Variants in GABRA2 observed in about 807,000 individuals in gnomAD.
GABRA2 encodes the protein gamma-aminobutyric acid receptor subunit alpha-2.
A neutral mutation model predicts 48.7 loss-of-function variants in GABRA2; 16 were observed. That is an observed-to-expected ratio of 0.33 (90% CI 0.22 to 0.50). The LOEUF is 0.50. Ranked by LOEUF, GABRA2 falls within the 20% of genes least tolerant of loss-of-function variation. The pLI is 0.98. For missense variants in GABRA2, 275 were observed against 535.6 expected (o/e 0.51, Z 4.80); for synonymous variants, 185 against 184.5 (o/e 1.00, Z -0.02).
chr4:46,259,474 T>C (rs550541369), intron 9 of GABRA2, among the ~76,000 whole-genome samples: 1 of 152,030 alleles, frequency 6.6e-6, no homozygotes, highest in South Asian at 2.1e-4. Context: ...TGAGAGTGTT[T>C]ATTTATTTAT....
intron 8 of GABRA2, among the ~76,000 whole-genome samples, chr4:46,297,476 C>CATATAT (rs56201706): frequency 0.022 from 1,958 of 87,060 alleles, 91 homozygotes; most frequent in Middle Eastern, 0.037. Flanking sequence ...AATAAAATCC[C>CATATAT]ATATATATAT....
At chr4:46,290,770 C>A (rs776948205) in intron 8 of GABRA2, among the ~76,000 whole-genome samples, 3 of 152,100 alleles carry the variant, frequency 2.0e-5, no homozygotes, top group Non-Finnish European at 4.4e-5. Context: ...AGTGACCTTT[C>A]AGAAATGTCA....
chr4:46,294,574 A>C (rs1158627966), intron 8 of GABRA2, among the ~76,000 whole-genome samples: 2 of 152,142 alleles, frequency 1.3e-5, no homozygotes, highest in Non-Finnish European at 2.9e-5. Context: ...GCTGCTGTGT[A>C]AGCTGCTCTG....
chr4:46,287,855 T>C (rs1722858974), intron 8 of GABRA2, among the ~76,000 whole-genome samples: 1 of 152,138 alleles, frequency 6.6e-6, no homozygotes, highest in African/African-American at 2.4e-5. Context: ...GATAAAGATA[T>C]ACCTGAGACT....
At chr4:46,287,133 T>G (rs1722704644) in intron 8 of GABRA2, among the ~76,000 whole-genome samples, 1 of 152,170 alleles carries the variant, frequency 6.6e-6, no homozygotes, top group Non-Finnish European at 1.5e-5. Context: ...TGTTGTGTCT[T>G]AAGTGAGGTA....
chr4:46,273,484 C>CATATATAT (rs1250189953), intron 8 of GABRA2, among the ~76,000 whole-genome samples: 71 of 18,846 alleles, frequency 3.8e-3, no homozygotes, highest in African/African-American at 0.012. Context: ...TATATATATG[C>CATATATAT]ATATATATAT....
chr4:46,390,106 TG>T lies in GABRA2; in HGVS notation c.-383del. On this transcript the variant is annotated 5_prime_UTR_variant, in exon 1 of 10. Transcript: ENST00000381620. ...GCGGAGGCGCGGTGCGCGCCGGCGG[TG>T]GCGGGCACGAGCCCCGCGCCTGGAG... is the stretch of plus-strand genomic sequence containing the variant. 1.2e-5 allele frequency: 11 copies of T among 914,226 alleles called. No homozygotes were observed. The highest frequency in any genetic ancestry group is 1.4e-5 in the Non-Finnish European group (11 of 779,364). 56.6% of individuals were successfully genotyped at this position (914,226 alleles called of 1,614,324 possible).
At chr4:46,267,327 T>C (rs1480353031) in intron 8 of GABRA2, among the ~76,000 whole-genome samples, 1 of 152,088 alleles carries the variant, frequency 6.6e-6, no homozygotes, top group African/African-American at 2.4e-5. Flanking sequence ...TTATATCATT[T>C]TATTGGTAAA....
chr4:46,367,860 T>C (rs189921323), intron 3 of GABRA2: 75 of 152,242 alleles, frequency 4.9e-4, no homozygotes, highest in African/African-American at 1.7e-3. Flanking sequence ...TTGCAAAATA[T>C]TGCTAGTTCT....
intron 3 of GABRA2, among the ~76,000 whole-genome samples, chr4:46,361,151 A>T (rs1343502743): frequency 6.6e-6 from 1 of 152,196 alleles, no homozygotes; most frequent in Non-Finnish European, 1.5e-5. Context: ...ATTAGTAATG[A>T]GGAGCCCAAT....
intron 3 of GABRA2, among the ~76,000 whole-genome samples, chr4:46,354,146 C>T (rs908606541): frequency 6.6e-6 from 1 of 152,118 alleles, no homozygotes; most frequent in African/African-American, 2.4e-5. Flanking sequence ...AGGTATTACT[C>T]CTCCTCTTGG....
chr4:46,344,518 A>G (rs1459624163), intron 3 of GABRA2, among the ~76,000 whole-genome samples: 4 of 151,994 alleles, frequency 2.6e-5, no homozygotes, highest in Non-Finnish European at 5.9e-5. Context: ...GTGGAGGAAA[A>G]GAGACATCTT....
chr4:46,378,578 T>C (rs989569242), intron 3 of GABRA2, among the ~76,000 whole-genome samples: 2 of 151,656 alleles, frequency 1.3e-5, no homozygotes, highest in African/African-American at 4.8e-5. Flanking sequence ...CACTTGTTTA[T>C]CTGCTGACCT....
In GABRA2 at chr4:46,353,149, T is replaced by G. The variant is rs145888350; in HGVS notation, c.188-20467A>C. On this transcript the variant is annotated intron_variant, in intron 3 of 9. Transcript: ENST00000381620. ...CAATAATCATATTTAAGATAATCCT[T>G]CCTGATGCTTAAGCCAAAGCCTTGT... is the stretch of plus-strand genomic sequence containing the variant. 4.7e-3 allele frequency among the ~76,000 whole-genome samples: 717 copies of G among 152,214 alleles called. 6 individuals carry two copies. The highest frequency in any genetic ancestry group is 0.017 in the African/African-American group (693 of 41,548).
intron 4 of GABRA2, among the ~76,000 whole-genome samples, chr4:46,320,764 G>A (rs1330236569): frequency 2.0e-5 from 3 of 151,890 alleles, no homozygotes; most frequent in Admixed American, 1.3e-4. Context: ...TGGCCAGGGT[G>A]TAGATAAAAG....
chr4:46,335,619 G>T lies in GABRA2; in HGVS notation c.188-2937C>A, dbSNP rs572407144. Among the ~76,000 whole-genome samples, 5 of 152,010 alleles carry T rather than the reference G, an allele frequency of 3.3e-5. No homozygotes were observed. In the East Asian group the frequency reaches 9.7e-4, roughly 29 times the overall value. ...CTCCCAAGTAACTGGGACTACAGAC[G>T]CACACCACGTCCAGCTAGTTTTTGT... On this transcript the variant is annotated intron_variant, in intron 3 of 9. Coordinates refer to ENST00000381620, the MANE Select transcript of GABRA2 (RefSeq NM_000807.4).
At chr4:46,283,026 C>T (rs1006137265) in intron 8 of GABRA2, among the ~76,000 whole-genome samples, 6 of 152,216 alleles carry the variant, frequency 3.9e-5, no homozygotes, top group African/African-American at 1.4e-4. Flanking sequence ...GATACTCTGG[C>T]TGCCAAGTAT....
intron 3 of GABRA2, among the ~76,000 whole-genome samples, chr4:46,372,251 C>T (rs2110004357): frequency 6.6e-6 from 1 of 152,214 alleles, no homozygotes; most frequent in South Asian, 2.1e-4. Context: ...GTGCCCAATG[C>T]CAAGCAGGAC....
chr4:46,303,686 A>T, intron 7 of GABRA2, 74 bp from the exon 8 acceptor site: 1 of 1,327,190 alleles, frequency 7.5e-7, no homozygotes, highest in Admixed American at 2.2e-5. Flanking sequence ...AAGGGATCAG[A>T]GGTAGAACAA....
Sources: allele counts gnomAD v4.1 joint callset (sites outside exome capture counted in the v4.1 genomes callset), GRCh38; gene constraint gnomAD v4.1.1; transcripts MANE v1.5; gene names NCBI Gene and HGNC (gene_info 2026-07-23, HGNC 2026-07-21).